Variants in LGALS2 observed in about 807,000 individuals in gnomAD.
The protein encoded by LGALS2 is galectin 2, also known as galectin-2.
LGALS2 carries 7 observed loss-of-function variants against 10.1 expected under a neutral mutation model. The observed-to-expected ratio is 0.70, with a 90% CI of 0.40 to 1.31. The LOEUF is 1.31. LGALS2 is among the 50% of genes most tolerant of loss of function. The pLI, the probability that LGALS2 is intolerant of heterozygous loss-of-function variation, is 0.01. For missense variants in LGALS2, 167 were observed against 163.6 expected (o/e 1.02, Z -0.11); for synonymous variants, 86 against 64.2 (o/e 1.34, Z -1.63).
At chr22:37,573,230 C>T (rs1369902255) in intron 1 of LGALS2, among the ~76,000 whole-genome samples, 17 of 152,154 alleles carry the variant, frequency 1.1e-4, no homozygotes. Context: ...AAGATCACGC[C>T]ACTGCACTCC....
At chr22:37,578,644 C>T (rs1233214548) in intron 1 of LGALS2, 2 of 152,076 alleles carry the variant, frequency 1.3e-5, no homozygotes, top group Non-Finnish European at 2.9e-5. Context: ...AGTGAGACCT[C>T]ATCTCTACGA....
chr22:37,575,517 G>T (rs1463042739), intron 1 of LGALS2, among the ~76,000 whole-genome samples: 1 of 152,010 alleles, frequency 6.6e-6, no homozygotes, highest in Admixed American at 6.6e-5. Context: ...CTAGAGTGCA[G>T]TGATATGATC....
chr22:37,571,261 TCA>T (rs1392888158), intron 2 of LGALS2, among the ~76,000 whole-genome samples: 1 of 152,176 alleles, frequency 6.6e-6, no homozygotes, highest in African/African-American at 2.4e-5. Context: ...GAGAAATAAG[TCA>T]CTTTTCCCTT....
rs757484172 is a variant in LGALS2 at position 37,570,591 on chromosome 22, T to C, written c.234A>G (p.Pro78=). The C allele has an allele frequency of 3.7e-5, 59 of 1,614,150 alleles. No homozygotes were observed. The highest frequency in any genetic ancestry group is 4.6e-5 in the Non-Finnish European group (54 of 1,180,058). Residue 78 remains proline, a synonymous_variant, in exon 3 of 4, where the codon CCA becomes CCG. Coordinates refer to ENST00000215886, the MANE Select transcript of LGALS2 (RefSeq NM_006498.3). ...EQREDHLCFS[P]GSEVKFTVTF... Reference sequence around the variant, plus strand: ...TTGACCTCACCTTGACCTCTGACCCTGGGCTGAAGCACAGGTGATCTTCCC... The same window carrying C: ...TTGACCTCACCTTGACCTCTGACCCCGGGCTGAAGCACAGGTGATCTTCCC...
intron 1 of LGALS2, among the ~76,000 whole-genome samples, chr22:37,577,198 C>T (rs993657390): frequency 4.6e-4 from 70 of 152,038 alleles, no homozygotes; most frequent in African/African-American, 1.5e-3. Flanking sequence ...GGGGAGAGTC[C>T]GTGGGCCACA....
intron 1 of LGALS2, among the ~76,000 whole-genome samples, chr22:37,572,996 G>A (rs564409855): frequency 3.5e-4 from 52 of 150,188 alleles, no homozygotes; most frequent in Non-Finnish European, 6.4e-4. Context: ...AAAAAAGGCC[G>A]GGCACAGTGG....
chr22:37,572,536 G>C (rs2145819347), intron 1 of LGALS2, among the ~76,000 whole-genome samples: 1 of 152,204 alleles, frequency 6.6e-6, no homozygotes, highest in South Asian at 2.1e-4. Flanking sequence ...GGGAGGCCGA[G>C]GCGGGCGGAT....
intron 2 of LGALS2, among the ~76,000 whole-genome samples, 188 bp from the exon 3 acceptor site, chr22:37,570,923 C>T (rs1191319227): frequency 6.6e-6 from 1 of 152,164 alleles, no homozygotes; most frequent in Admixed American, 6.5e-5. Flanking sequence ...CCATTTGGAG[C>T]AGGGATCACG....
At chr22:37,573,993 C>G (rs192388209) in intron 1 of LGALS2, among the ~76,000 whole-genome samples, 14 of 152,180 alleles carry the variant, frequency 9.2e-5, no homozygotes, top group African/African-American at 3.4e-4. Flanking sequence ...CCCCAAAGTG[C>G]TGGGATTACA....
At position 37,575,464 on chromosome 22, in the gene LGALS2, C is replaced by T. The variant is rs150514419; in HGVS notation, c.7-3533G>A. The stretch of plus-strand genomic sequence containing the variant: ...CCTCAAGTGGTCCTCCTGCCTCAGC[C>T]GGTAATACATTTTTTTTTAAAGGTC... On this transcript the variant is annotated intron_variant, in intron 1 of 3. Coordinates refer to ENST00000215886, the MANE Select transcript of LGALS2 (RefSeq NM_006498.3). Among the ~76,000 whole-genome samples, 24 of 151,946 alleles carry T rather than the reference C, an allele frequency of 1.6e-4. No individual in the cohort carries two copies. In the East Asian group the frequency reaches 3.3e-3, roughly 21 times the overall value.
intron 1 of LGALS2, among the ~76,000 whole-genome samples, chr22:37,575,841 G>A (rs868772387): frequency 1.3e-5 from 2 of 152,192 alleles, no homozygotes; most frequent in Non-Finnish European, 2.9e-5. Context: ...TGTCAGACAG[G>A]AGGCTGCTCA....
rs80058527 is a variant in LGALS2, at chr22:37,570,515, C to G, written c.249+61G>C. The G allele has an allele frequency of 1.4e-3, 2,219 of 1,609,978 alleles. 40 individuals are homozygous for G. In the East Asian group the frequency reaches 0.039, roughly 28 times the overall value. ...CCAGCACCTGTGTCCAGGCCAGGCT[C>G]TCTTCCATCTGGGCCCTCCCCTTGA... On this transcript the variant is annotated intron_variant, in intron 3 of 3. Transcript: ENST00000215886.
chr22:37,579,853 C>A, intron 1 of LGALS2, 47 bp downstream of exon 1: 2 of 1,595,096 alleles, frequency 1.3e-6, no homozygotes, highest in Non-Finnish European at 1.7e-6. Context: ...CAGGCAAAGA[C>A]AAAGATGAAC....
chr22:37,572,785 A>AATC (rs1569181925), intron 1 of LGALS2, among the ~76,000 whole-genome samples: 1 of 142,094 alleles, frequency 7.0e-6, no homozygotes, highest in Admixed American at 7.0e-5. Flanking sequence ...TAATAATAAT[A>AATC]ATAATAATAA....
At chr22:37,576,430 C>A (rs917526646) in intron 1 of LGALS2, among the ~76,000 whole-genome samples, 2 of 121,152 alleles carry the variant, frequency 1.7e-5, no homozygotes, top group East Asian at 2.4e-4. Flanking sequence ...CCAGCCTGGG[C>A]GACAGAGCGA....
intron 2 of LGALS2, among the ~76,000 whole-genome samples, chr22:37,571,392 G>A (rs1925493777): frequency 2.6e-5 from 4 of 152,180 alleles, no homozygotes; most frequent in African/African-American, 4.8e-5. Context: ...TGTGACTCAC[G>A]GAGGTGGTGA....
In LGALS2 at chr22:37,570,450, T is replaced by C. The variant is rs201688599; in HGVS notation, c.250-38A>G. The C allele has an allele frequency of 9.3e-6, 15 of 1,608,286 alleles. No individual in the cohort carries two copies. In the Middle Eastern group the frequency reaches 7.1e-4, roughly 76 times the overall value. On this transcript the variant is annotated intron_variant, in intron 3 of 3. Coordinates refer to ENST00000215886, the MANE Select transcript of LGALS2 (RefSeq NM_006498.3). ...AGGGTGTCAAGGAGGCAGGAGGCCC[T>C]GGAAATGGGCCAGGGCAGTGCCTGA...
At position 37,571,136 on chromosome 22, in the gene LGALS2, G is replaced by T. The variant is rs151021485; in HGVS notation, c.90-401C>A. Among the ~76,000 whole-genome samples the T allele has an allele frequency of 1.4e-3, 219 of 152,264 alleles. 1 individual carries two copies. The highest frequency in any genetic ancestry group is 5.1e-3 in the African/African-American group (210 of 41,542). On this transcript the variant is annotated intron_variant, in intron 2 of 3. Coordinates refer to ENST00000215886, the MANE Select transcript of LGALS2 (RefSeq NM_006498.3). ...TTGGCAAGATCACTACAGGAGCCTG[G>T]GCTAGACCTGCAGGGTTCCTGAAAG...
chr22:37,579,830 A>G, intron 1 of LGALS2, 70 bp downstream of exon 1: 1 of 1,535,370 alleles, frequency 6.5e-7, no homozygotes, highest in Non-Finnish European at 8.9e-7. Context: ...GGTTTTCCCT[A>G]AAAGCCCCCA....
Sources: allele counts gnomAD v4.1 joint callset (sites outside exome capture counted in the v4.1 genomes callset), GRCh38; gene constraint gnomAD v4.1.1; transcripts MANE v1.5; gene names NCBI Gene and HGNC (gene_info 2026-07-23, HGNC 2026-07-21).